CDH7: variants seen among roughly 807,000 people sequenced by gnomAD.
CDH7 encodes the protein cadherin 7, also known as cadherin-7.
In CDH7, 25 loss-of-function variants were observed where a neutral mutation model predicts 71.8. The ratio of observed to expected loss-of-function variants is 0.35; its 90% CI spans 0.25 to 0.49. CDH7 has a LOEUF of 0.49. CDH7 is among the 20% of genes least tolerant of loss of function. CDH7 has a pLI of 0.99. For missense variants in CDH7, 862 were observed against 974.6 expected (o/e 0.88, Z 1.54); for synonymous variants, 381 against 363.8 (o/e 1.05, Z -0.54).
chr18:65,769,819 C>G (rs1916490101), intron 2 of CDH7, among the ~76,000 whole-genome samples: 1 of 152,102 alleles, frequency 6.6e-6, no homozygotes, highest in African/African-American at 2.4e-5. Context: ...AAGTATAAGA[C>G]AGAAGTGATG....
chr18:65,756,679 T>C (rs372711706), intron 1 of CDH7, among the ~76,000 whole-genome samples: 89 of 152,346 alleles, frequency 5.8e-4, no homozygotes, highest in African/African-American at 1.9e-3. Context: ...TGGTCTTTAA[T>C]TGTGATAAGC....
intron 7 of CDH7, among the ~76,000 whole-genome samples, chr18:65,845,227 A>G (rs1912894817): frequency 6.6e-6 from 1 of 151,758 alleles, no homozygotes; most frequent in Non-Finnish European, 1.5e-5. Context: ...ATACATACAC[A>G]CATATATATA....
intron 4 of CDH7, among the ~76,000 whole-genome samples, chr18:65,815,104 T>A (rs1426731102): frequency 1.3e-5 from 2 of 152,176 alleles, no homozygotes; most frequent in Admixed American, 6.5e-5. Context: ...TATATATATT[T>A]TTTTAATTTG....
At chr18:65,759,384 A>C (rs1916123423) in intron 1 of CDH7, among the ~76,000 whole-genome samples, 1 of 151,188 alleles carries the variant, frequency 6.6e-6, no homozygotes, top group South Asian at 2.1e-4. Flanking sequence ...AGCTGGGATT[A>C]TAGGTGTGTG....
chr18:65,765,161 A>G (rs1220186378), intron 2 of CDH7, among the ~76,000 whole-genome samples: 1 of 151,958 alleles, frequency 6.6e-6, no homozygotes, highest in Non-Finnish European at 1.5e-5. Context: ...CCAGGATGGA[A>G]ATGGATTTAA....
chr18:65,767,085 C>T (rs1189986385), intron 2 of CDH7, among the ~76,000 whole-genome samples: 2 of 141,712 alleles, frequency 1.4e-5, no homozygotes, highest in Admixed American at 1.4e-4. Flanking sequence ...TAACATCACT[C>T]TTTCTTTCTT....
At chr18:65,787,020 CTTTTTT>C (rs377206336) in intron 2 of CDH7, among the ~76,000 whole-genome samples, 1 of 149,756 alleles carries the variant, frequency 6.7e-6, no homozygotes, top group South Asian at 2.1e-4. Flanking sequence ...TCAATGAAAA[CTTTTTT>C]TTTTCCCTGA....
At chr18:65,838,894 T>C (rs1277679141) in intron 6 of CDH7, among the ~76,000 whole-genome samples, 1 of 152,258 alleles carries the variant, frequency 6.6e-6, no homozygotes, top group Non-Finnish European at 1.5e-5. Context: ...ACGTACTCTT[T>C]ACTTTCCATT....
intron 10 of CDH7, 66 bp downstream of exon 10, chr18:65,859,891 C>T (rs1339552593): frequency 3.2e-6 from 3 of 944,294 alleles, no homozygotes; most frequent in Non-Finnish European, 5.1e-6. Flanking sequence ...GTATTTTTCT[C>T]CCCAGGAATG....
intron 6 of CDH7, among the ~76,000 whole-genome samples, chr18:65,841,299 T>A (rs947475388): frequency 5.1e-4 from 77 of 152,270 alleles, no homozygotes; most frequent in African/African-American, 1.8e-3. Flanking sequence ...CTGTAAAAAA[T>A]TGCATTCATT....
At chr18:65,856,584 A>G (rs1408066408) in intron 7 of CDH7, among the ~76,000 whole-genome samples, 1 of 152,120 alleles carries the variant, frequency 6.6e-6, no homozygotes, top group Non-Finnish European at 1.5e-5. Flanking sequence ...CGCCTGGAGT[A>G]AAGGAGCAAA....
Position 65,788,416 on chromosome 18 carries a change from AAAAG to A in CDH7, c.211-21278_211-21275del, listed in dbSNP as rs530998482. Among the ~76,000 whole-genome samples the A allele has an allele frequency of 5.0e-3, 762 of 152,334 alleles. 6 individuals are homozygous for A. Among genetic ancestry groups the A allele is most frequent in the African/African-American group, 0.017 (716 of 41,580 alleles). Reference sequence around the variant, plus strand: ...TAACATATAAAAAATATGAAATTCTAAAAGAAAGAAAGAGAGAGGGAATGAGAGA... The same window carrying A: ...TAACATATAAAAAATATGAAATTCTAAAAGAAAGAGAGAGGGAATGAGAGA... On this transcript the variant is annotated intron_variant, in intron 2 of 11. Transcript: ENST00000397968.
At chr18:65,876,379 T>A (rs1914073010) in intron 11 of CDH7, among the ~76,000 whole-genome samples, 1 of 152,170 alleles carries the variant, frequency 6.6e-6, no homozygotes, top group Non-Finnish European at 1.5e-5. Flanking sequence ...CCAGTAAGAA[T>A]GATTTTTATT....
At chr18:65,769,539 A>G (rs7243501) in intron 2 of CDH7, among the ~76,000 whole-genome samples, 4,308 of 152,320 alleles carry the variant, frequency 0.028, 192 homozygotes, top group African/African-American at 0.096. Flanking sequence ...AAGCTAGGAA[A>G]TTAACATTGG....
chr18:65,764,093 A>G (rs1047553122), intron 2 of CDH7, among the ~76,000 whole-genome samples: 6 of 152,102 alleles, frequency 3.9e-5, no homozygotes, highest in African/African-American at 1.4e-4. Flanking sequence ...TACTGAATTT[A>G]TCTATAAATC....
intron 7 of CDH7, among the ~76,000 whole-genome samples, chr18:65,854,216 G>C (rs1427347695): frequency 2.0e-5 from 3 of 151,860 alleles, no homozygotes; most frequent in East Asian, 2.0e-4. Context: ...TGAGATGGGA[G>C]GATCACTTGA....
intron 2 of CDH7, 44 bp downstream of exon 2, chr18:65,763,096 A>G: frequency 7.3e-7 from 1 of 1,376,400 alleles, no homozygotes; most frequent in Non-Finnish European, 1.0e-6. Flanking sequence ...ATTATTGTCC[A>G]TGTCTATGGT....
rs1224368061 is a variant in CDH7, at chr18:65,882,304, T to C, written c.*1410T>C. On this transcript the variant is annotated 3_prime_UTR_variant, in exon 12 of 12. Coordinates refer to ENST00000397968, the MANE Select transcript of CDH7 (RefSeq NM_004361.5). ...ACTTTCATGACCAAAATGATGTTTC[T>C]ACCTATTATTTTTCCTAGATTAATA... is the stretch of plus-strand genomic sequence containing the variant. 6.6e-6 allele frequency: 1 copy of C among 152,174 alleles called. No homozygotes were observed. Among genetic ancestry groups the C allele is most frequent in the Non-Finnish European group, 1.5e-5 (1 of 67,998 alleles). 9.4% of individuals were successfully genotyped at this position (152,174 alleles called of 1,614,324 possible).
chr18:65,872,077 A>G (rs187896281), intron 11 of CDH7, among the ~76,000 whole-genome samples: 1 of 152,296 alleles, frequency 6.6e-6, no homozygotes, highest in East Asian at 1.9e-4. Context: ...GGTTTGAAAG[A>G]AGAAAATAAA....
Sources: allele counts gnomAD v4.1 joint callset (sites outside exome capture counted in the v4.1 genomes callset), GRCh38; gene constraint gnomAD v4.1.1; transcripts MANE v1.5; gene names NCBI Gene and HGNC (gene_info 2026-07-23, HGNC 2026-07-21).